Variants in DAB2 observed in about 807,000 individuals in gnomAD.
DAB2 encodes DAB adaptor protein 2.
In DAB2, 28 loss-of-function variants were observed where a neutral mutation model predicts 71.6. The ratio of observed to expected loss-of-function variants is 0.39; its 90% CI spans 0.29 to 0.54. The LOEUF is 0.54. Ranked by LOEUF, DAB2 falls within the 20% of genes least tolerant of loss-of-function variation. The pLI, the probability that DAB2 is intolerant of heterozygous loss-of-function variation, is 0.68. For missense variants in DAB2, 867 were observed against 928.8 expected, an observed-to-expected ratio of 0.93 and a Z score of 0.86; for synonymous variants, 345 against 339.7, an observed-to-expected ratio of 1.02 and a Z score of -0.17.
At position 39,393,303 on chromosome 5, in the gene DAB2, G is replaced by A. The variant is rs774382625; in HGVS notation, c.182C>T (p.Pro61Leu). 2.5e-6 allele frequency: 4 copies of A among 1,613,908 alleles called. No homozygotes were observed. The highest frequency in any genetic ancestry group is 3.4e-6 in the Non-Finnish European group (4 of 1,179,922). ...GCTCATTTTATCCCCTCTTGCATCT[G>A]GCACATCATCAATGCCAATCAGCTT... ...KAKLIGIDDV[P>L]DARGDKMSQD... is the part of the protein sequence containing the mutation. Residue 61 changes from proline to leucine, a missense_variant, in exon 3 of 15, where the codon CCA becomes CTA. Around this residue, in one of 2 missense-constraint regions of DAB2, gnomAD observed 127 missense variants for 194.4 expected, o/e 0.65. Transcript: ENST00000320816.
Position 39,382,796 on chromosome 5 carries a change from C to T in DAB2, c.1163G>A (p.Gly388Asp), listed in dbSNP as rs769238667. The change falls in exon 10 of 15, where the codon GGC (glycine) becomes GAC (aspartate). Residue 388 changes from glycine to aspartate, a missense_variant. Transcript: ENST00000320816. ...GTTCGGGGAGGATTTGACAGAGAAG[C>T]CGTTCTGTTCTCTTTCAGATACCCC... Reference protein sequence around the residue: ...QNGVSEREQNGFSVKSSPNPF... With the variant: ...QNGVSEREQNDFSVKSSPNPF... The T allele has an allele frequency of 3.1e-6, 5 of 1,614,126 alleles. No individual in the cohort carries two copies. The South Asian group carries it at 4.4e-5, about 14-fold the overall frequency.
At chr5:39,406,858 A>G (rs931542764) in intron 1 of DAB2, among the ~76,000 whole-genome samples, 2 of 152,188 alleles carry the variant, frequency 1.3e-5, no homozygotes, top group African/African-American at 2.4e-5. Flanking sequence ...ATTAAAAAAA[A>G]CTACTACTGA....
intron 5 of DAB2, 103 bp from the exon 6 acceptor site, chr5:39,390,035 T>A: frequency 1.2e-6 from 1 of 814,712 alleles, no homozygotes; most frequent in Non-Finnish European, 1.9e-6. Context: ...TTTTTAATCT[T>A]AAAACGCCTT....
At chr5:39,398,893 T>C (rs1227515957) in intron 1 of DAB2, among the ~76,000 whole-genome samples, 1 of 152,152 alleles carries the variant, frequency 6.6e-6, no homozygotes, top group African/African-American at 2.4e-5. Context: ...GAATAATTGG[T>C]TTAAACTTAA....
At chr5:39,396,837 C>A (rs1336433306) in intron 1 of DAB2, among the ~76,000 whole-genome samples, 1 of 152,162 alleles carries the variant, frequency 6.6e-6, no homozygotes, top group Non-Finnish European at 1.5e-5. Context: ...ACTTGTGTGG[C>A]TGTCAGAGGA....
intron 9 of DAB2, 42 bp from the exon 10 acceptor site, chr5:39,383,313 T>A: frequency 2.1e-6 from 3 of 1,431,994 alleles, no homozygotes; most frequent in Non-Finnish European, 1.9e-6. Flanking sequence ...TGTTAGTCCA[T>A]GTTGTGACTT....
At chr5:39,395,326 C>T (rs545030245) in intron 1 of DAB2, among the ~76,000 whole-genome samples, 5 of 152,258 alleles carry the variant, frequency 3.3e-5, no homozygotes, top group Admixed American at 2.0e-4. Flanking sequence ...GTTTTGTAAT[C>T]GTGTTAAGAC....
At chr5:39,375,960 G>A in intron 13 of DAB2, 37 bp downstream of exon 13, 1 of 1,473,818 alleles carries the variant, frequency 6.8e-7, no homozygotes, top group South Asian at 1.1e-5. Context: ...TATGTGGCAT[G>A]TACTTTGGAG....
At chr5:39,395,322 T>G (rs577564396) in intron 1 of DAB2, among the ~76,000 whole-genome samples, 2 of 152,300 alleles carry the variant, frequency 1.3e-5, no homozygotes, top group African/African-American at 4.8e-5. Flanking sequence ...CATTGTTTTG[T>G]AATCGTGTTA....
intron 1 of DAB2, chr5:39,418,347 T>C (rs903701413): frequency 6.6e-6 from 1 of 152,216 alleles, no homozygotes; most frequent in African/African-American, 2.4e-5. Flanking sequence ...TCTGTTGCAC[T>C]AAATGGTAAC....
intron 11 of DAB2, among the ~76,000 whole-genome samples, chr5:39,378,228 T>C (rs536806480): frequency 4.6e-5 from 7 of 152,232 alleles, no homozygotes; most frequent in Admixed American, 6.5e-5. Flanking sequence ...TGGCCTCTGA[T>C]TCTTGAGAGG....
At chr5:39,404,460 T>TAAAAAAA (rs574569850) in intron 1 of DAB2, among the ~76,000 whole-genome samples, 4 of 127,260 alleles carry the variant, frequency 3.1e-5, no homozygotes, top group African/African-American at 5.8e-5. Context: ...TATTATTATC[T>TAAAAAAA]AAAAAAAAAA....
At chr5:39,386,612 C>T (rs543865039) in intron 9 of DAB2, among the ~76,000 whole-genome samples, 6 of 152,254 alleles carry the variant, frequency 3.9e-5, no homozygotes, top group African/African-American at 1.4e-4. Flanking sequence ...AATTCTTAGA[C>T]TTCATAAAGT....
chr5:39,383,409 C>T, intron 9 of DAB2, 138 bp from the exon 10 acceptor site: 1 of 678,674 alleles, frequency 1.5e-6, no homozygotes, highest in East Asian at 2.7e-5. Context: ...TCATTACCTC[C>T]TTCCATCAAC....
chr5:39,404,312 T>G (rs1755562500), intron 1 of DAB2, among the ~76,000 whole-genome samples: 1 of 148,920 alleles, frequency 6.7e-6, no homozygotes, highest in Non-Finnish European at 1.5e-5. Flanking sequence ...AGTTGATGGG[T>G]GCGGCACACC....
At position 39,376,091 on chromosome 5, in the gene DAB2, G is replaced by A. The variant is rs1754821676; in HGVS notation, c.2153C>T (p.Ala718Val). The A allele has an allele frequency of 6.2e-7, 1 of 1,613,786 alleles. No homozygotes were observed. ...LNKINEPPKP[A>V]PRQVSLPVTK... ...AACTGGCAGGGAAACTTGTCTGGGAGCTGGCTTTGGTGGTTCTAGAAGGTA... is the reference window on the plus strand; with the variant it reads ...AACTGGCAGGGAAACTTGTCTGGGAACTGGCTTTGGTGGTTCTAGAAGGTA... The change falls in exon 13 of 15, where the codon GCT becomes GTT. Residue 718 changes from alanine to valine, a missense_variant. Ala to Val is a moderately conservative substitution (Grantham distance 64). Coordinates refer to ENST00000320816, the MANE Select transcript of DAB2 (RefSeq NM_001343.4).
intron 1 of DAB2, among the ~76,000 whole-genome samples, chr5:39,401,975 C>T (rs1345438614): frequency 1.3e-5 from 2 of 152,012 alleles, no homozygotes; most frequent in African/African-American, 2.4e-5. Context: ...TTAACGGACT[C>T]ACAGTTCCAC....
intron 11 of DAB2, among the ~76,000 whole-genome samples, chr5:39,378,013 C>T (rs1362800): frequency 0.33 from 50,295 of 152,102 alleles, 9,553 homozygotes; most frequent in Middle Eastern, 0.49. Flanking sequence ...GTGCTTCCTG[C>T]CATGTGCCAT....
At chr5:39,411,552 A>T (rs1369815355) in intron 1 of DAB2, among the ~76,000 whole-genome samples, 1 of 152,132 alleles carries the variant, frequency 6.6e-6, no homozygotes, top group Non-Finnish European at 1.5e-5. Context: ...GCCTTGGAGG[A>T]TCCACTCCAT....
Sources: allele counts gnomAD v4.1 joint callset (sites outside exome capture counted in the v4.1 genomes callset), GRCh38; gene constraint gnomAD v4.1.1; regional missense constraint gnomAD v4.1.1; transcripts MANE v1.5; gene names NCBI Gene and HGNC (gene_info 2026-07-23, HGNC 2026-07-21).